Variants in GFRAL observed in about 807,000 individuals in gnomAD.
The protein encoded by GFRAL is GDNF family receptor alpha like.
A neutral mutation model predicts 45.4 loss-of-function variants in GFRAL; 36 were observed. The observed-to-expected ratio is 0.79, with a 90% CI of 0.61 to 1.05. The LOEUF (loss-of-function observed/expected upper bound fraction) is 1.05, where lower values mean the gene tolerates loss of function less well. Ranked by LOEUF, GFRAL falls within the 50% of genes least tolerant of loss-of-function variation. GFRAL has a pLI of 0.00. For missense variants in GFRAL, 507 were observed against 467.5 expected (o/e 1.08, Z -0.78); for synonymous variants, 166 against 154.1 (o/e 1.08, Z -0.57).
At chr6:55,373,958 T>A (rs1768490253) in intron 6 of GFRAL, among the ~76,000 whole-genome samples, 3 of 152,148 alleles carry the variant, frequency 2.0e-5, no homozygotes, top group Non-Finnish European at 4.4e-5. Context: ...GTCCATGTGT[T>A]CTCATCATTC....
chr6:55,347,075 G>T (rs778725743), intron 3 of GFRAL, among the ~76,000 whole-genome samples: 12 of 151,944 alleles, frequency 7.9e-5, no homozygotes, highest in African/African-American at 2.9e-4. Context: ...AGAGAATCAC[G>T]GGAAAGTAAA....
At chr6:55,330,566 C>T (rs745724697) in intron 1 of GFRAL, among the ~76,000 whole-genome samples, 1 of 151,896 alleles carries the variant, frequency 6.6e-6, no homozygotes, top group Non-Finnish European at 1.5e-5. Context: ...AAGGGTTATT[C>T]CAGAAGAAAA....
chr6:55,345,856 C>A (rs1768034403), intron 3 of GFRAL, among the ~76,000 whole-genome samples: 1 of 152,040 alleles, frequency 6.6e-6, no homozygotes, highest in African/African-American at 2.4e-5. Context: ...AAGAAAAAAA[C>A]AACCCCATCA....
At chr6:55,327,715 G>T in intron 1 of GFRAL, 139 bp downstream of exon 1, 2 of 744,220 alleles carry the variant, frequency 2.7e-6, no homozygotes, top group African/African-American at 1.8e-5. Flanking sequence ...CTTTAACATG[G>T]TTTATTCTTC....
At chr6:55,397,515 A>C (rs1768842837) in intron 6 of GFRAL, among the ~76,000 whole-genome samples, 2 of 95,432 alleles carry the variant, frequency 2.1e-5, no homozygotes, top group African/African-American at 4.0e-5. Context: ...ACAGAGCGAG[A>C]CTCCGTCTCA....
intron 2 of GFRAL, among the ~76,000 whole-genome samples, chr6:55,333,424 A>T (rs959560766): frequency 6.6e-6 from 1 of 152,178 alleles, no homozygotes; most frequent in African/African-American, 2.4e-5. Context: ...AAAAGATCAG[A>T]TTATGACAAA....
At chr6:55,377,352 A>G (rs959397640) in intron 6 of GFRAL, among the ~76,000 whole-genome samples, 2 of 152,006 alleles carry the variant, frequency 1.3e-5, no homozygotes, top group African/African-American at 4.8e-5. Flanking sequence ...GGCCAAAACA[A>G]TAGTTAATTT....
intron 6 of GFRAL, among the ~76,000 whole-genome samples, chr6:55,395,219 A>G (rs6920676): frequency 0.17 from 25,216 of 144,230 alleles, 4,015 homozygotes; most frequent in African/African-American, 0.42. Flanking sequence ...AATTTTACAC[A>G]TTTTCCAAAG....
chr6:55,349,654 A>C (rs1475479965), intron 3 of GFRAL, among the ~76,000 whole-genome samples: 2 of 152,132 alleles, frequency 1.3e-5, no homozygotes, highest in Non-Finnish European at 2.9e-5. Context: ...TAAGATAATC[A>C]GAGGTGAAAC....
chr6:55,330,238 A>G (rs894642143), intron 1 of GFRAL, among the ~76,000 whole-genome samples: 1 of 152,178 alleles, frequency 6.6e-6, no homozygotes, highest in African/African-American at 2.4e-5. Flanking sequence ...TATCTTATAT[A>G]TAAACATCTA....
chr6:55,347,310 C>T (rs1311913470), intron 3 of GFRAL, among the ~76,000 whole-genome samples: 1 of 152,068 alleles, frequency 6.6e-6, no homozygotes, highest in African/African-American at 2.4e-5. Flanking sequence ...GAGAGAACTT[C>T]ATGTCAATGT....
chr6:55,390,812 T>G (rs994568636), intron 6 of GFRAL, among the ~76,000 whole-genome samples: 1 of 151,722 alleles, frequency 6.6e-6, no homozygotes, highest in Non-Finnish European at 1.5e-5. Flanking sequence ...CACTTGAACC[T>G]GGGAGGCAGA....
At chr6:55,336,029 C>G (rs576875194) in intron 3 of GFRAL, among the ~76,000 whole-genome samples, 1 of 152,310 alleles carries the variant, frequency 6.6e-6, no homozygotes, top group Admixed American at 6.5e-5. Flanking sequence ...AGTGCAGCCT[C>G]TACCTCCTGG....
At chr6:55,328,938 G>T (rs965501661) in intron 1 of GFRAL, among the ~76,000 whole-genome samples, 2 of 152,032 alleles carry the variant, frequency 1.3e-5, no homozygotes, top group African/African-American at 4.8e-5. Flanking sequence ...TGTTGGTAAA[G>T]AAATGTGGAA....
intron 6 of GFRAL, among the ~76,000 whole-genome samples, chr6:55,378,953 G>T (rs1431189790): frequency 3.3e-5 from 5 of 151,928 alleles, no homozygotes; most frequent in African/African-American, 4.8e-5. Context: ...TATCCAATAG[G>T]TGCTAAATTT....
intron 3 of GFRAL, among the ~76,000 whole-genome samples, chr6:55,344,106 A>T (rs890217812): frequency 6.6e-6 from 1 of 152,132 alleles, no homozygotes; most frequent in African/African-American, 2.4e-5. Context: ...TTCTAGCAGA[A>T]ATACAAACAG....
intron 6 of GFRAL, among the ~76,000 whole-genome samples, chr6:55,392,210 G>A (rs1295760315): frequency 6.6e-6 from 1 of 151,996 alleles, no homozygotes; most frequent in Non-Finnish European, 1.5e-5. Context: ...CATTTACCTG[G>A]TTGTCCCTTA....
At position 55,368,430 on chromosome 6, in the gene GFRAL, C is replaced by T. The variant is rs528361600; in HGVS notation, c.952+9292C>T. ...GAGTAATTTGATCGTTTGAAGCCTT[C>T]TTCTCTCAGCTCGTCAAAGTCATTC... On this transcript the variant is annotated intron_variant, in intron 6 of 8. Transcript: ENST00000340465. Among the ~76,000 whole-genome samples the T allele has an allele frequency of 2.6e-5, 4 of 151,638 alleles. No homozygotes were observed. In the East Asian group the frequency reaches 7.8e-4, roughly 30 times the overall value.
intron 2 of GFRAL, among the ~76,000 whole-genome samples, chr6:55,333,566 A>T (rs924290142): frequency 3.9e-5 from 6 of 152,190 alleles, no homozygotes; most frequent in African/African-American, 1.4e-4. Flanking sequence ...CTATTTTGAA[A>T]TGCAGAAAGT....
Sources: gnomAD v4.1 joint callset for allele counts (sites outside exome capture counted in the v4.1 genomes callset) on GRCh38, gnomAD v4.1.1 for gene constraint, MANE v1.5 for transcripts, NCBI Gene and HGNC (gene_info 2026-07-23, HGNC 2026-07-21) for gene names.